The following KRT10 variants were observed in gnomAD, a reference collection of about 807,000 sequenced individuals.
KRT10 encodes the protein keratin 10.
In KRT10, 40 loss-of-function variants were observed where a neutral mutation model predicts 59.2. The ratio of observed to expected loss-of-function variants is 0.68; its 90% confidence interval spans 0.52 to 0.88. KRT10 has a LOEUF of 0.88. Ranked by LOEUF, KRT10 falls within the 40% of genes least tolerant of loss-of-function variation. The probability of loss-of-function intolerance (pLI) is 0.00; values close to 1 mark genes in which losing one functional copy is unlikely to be tolerated. For missense variants in KRT10, 719 were observed against 749.1 expected (o/e 0.96, Z 0.47); for synonymous variants, 336 against 310.7 (o/e 1.08, Z -0.86).
rs770303156 is a variant in KRT10 at position 40,822,470 on chromosome 17, C to T, written c.116G>A (p.Ser39Asn). 1 of 1,613,972 alleles carries T rather than the reference C, an allele frequency of 6.2e-7. No homozygotes were observed. The highest frequency in any genetic ancestry group is 1.7e-5 in the Admixed American group (1 of 60,002). ...AAATCCTCCACCAAGGGAGCCTTTGCTGCTAGAAATTCTTAGGGATGACAC... is the reference window on the plus strand; with the variant it reads ...AAATCCTCCACCAAGGGAGCCTTTGTTGCTAGAAATTCTTAGGGATGACAC... The part of the protein sequence containing the change: ...GGVSSLRISS[S>N]KGSLGGGFSS... Residue 39 changes from serine (S) to asparagine (N), a missense_variant, in exon 1 of 8, where the codon AGC (serine) becomes AAC (asparagine). This residue lies in a region of KRT10 where 176 missense variants were observed against 175.7 expected (regional missense o/e 1.00). Transcript: ENST00000269576.
rs775054659 is a variant in KRT10 at position 40,818,861 on chromosome 17, G to A, written c.1674C>T (p.Gly558=). The change falls in exon 7 of 8, where the codon GGC becomes GGT. Residue 558 remains glycine, a synonymous_variant. Transcript: ENST00000269576. ...TGTGGCCTCCGCTGGAGCTGCCGCCGCCGTATCCGCCGCCGGAGCTGCTGC... is the reference window on the plus strand; with the variant it reads ...TGTGGCCTCCGCTGGAGCTGCCGCCACCGTATCCGCCGCCGGAGCTGCTGC... ...GGGSSSGGGY[G]GGSSSGGHKS... is the part of the protein sequence containing the mutation. 2 of 1,552,858 alleles carry A rather than the reference G, an allele frequency of 1.3e-6. No homozygotes were observed. Among genetic ancestry groups the A allele is most frequent in the East Asian group, 2.4e-5 (1 of 41,058 alleles).
Position 40,819,625 on chromosome 17 carries a change from C to A in KRT10, c.1265G>T (p.Arg422Leu). Reference protein sequence around the residue: ...SALEEQLQQIRAETECQNTEY... With the variant: ...SALEEQLQQILAETECQNTEY... ...AGTATTCTGGCACTCGGTTTCAGCT[C>A]GAATCTGTTGCAACTGTTCTTCCAG... Residue 422 changes from arginine to leucine, a missense_variant, in exon 6 of 8, where the codon CGA becomes CTA. Coordinates refer to ENST00000269576, the MANE Select transcript of KRT10 (RefSeq NM_000421.5). 1 of 1,614,158 alleles carries A rather than the reference C, an allele frequency of 6.2e-7. No homozygotes were observed. The highest frequency in any genetic ancestry group is 8.5e-7 in the Non-Finnish European group (1 of 1,180,002).
In KRT10 at chr17:40,819,703, G is replaced by A; in HGVS notation, c.1187C>T (p.Thr396Ile). The change falls in exon 6 of 8, where the codon ACA (threonine) becomes ATA (isoleucine). Residue 396 changes from threonine to isoleucine, a missense_variant. Coordinates refer to ENST00000269576, the MANE Select transcript of KRT10 (RefSeq NM_000421.5). Reference sequence around the variant, plus strand: ...GAGCTGCACACAGTAGCGACCTTCTGTTTCTGCCAAGGAGGCTTCCAGGGA... The same window carrying A: ...GAGCTGCACACAGTAGCGACCTTCTATTTCTGCCAAGGAGGCTTCCAGGGA... ...KQSLEASLAE[T>I]EGRYCVQLSQ... The A allele has an allele frequency of 6.2e-7, 1 of 1,614,172 alleles. No homozygotes were observed. Among genetic ancestry groups the A allele is most frequent in the Non-Finnish European group, 8.5e-7 (1 of 1,180,018 alleles).
rs1378706414 is a variant in KRT10 at position 40,818,977 on chromosome 17, C to A, written c.1558G>T (p.Gly520Cys). ...GGGYGGGSSS[G>C]GHGGSSSGGY... is the part of the protein sequence containing the mutation. ...CCGCTGGAACTGCCGCCGTGGCCGC[C>A]GCTGGAGCTTCCGCCCCCGTAGCCG... is the stretch of plus-strand genomic sequence containing the variant. Residue 520 changes from glycine (G) to cysteine (C), a missense_variant, in exon 7 of 8, where the codon GGC becomes TGC. Transcript: ENST00000269576. The A allele has an allele frequency of 2.2e-6, 3 of 1,389,920 alleles. No individual in the cohort carries two copies. Among genetic ancestry groups the A allele is most frequent in the East Asian group, 6.5e-5 (2 of 30,688 alleles). 86.1% of individuals were successfully genotyped at this position (1,389,920 alleles called of 1,614,324 possible).
chr17:40,818,980 T>C lies in KRT10; in HGVS notation c.1555A>G (p.Ser519Gly), dbSNP rs199819272. 48 of 1,328,450 alleles carry C rather than the reference T, an allele frequency of 3.6e-5. No individual in the cohort carries two copies. Among genetic ancestry groups the C allele is most frequent in the East Asian group, 3.4e-4 (9 of 26,382 alleles). 82.3% of individuals were successfully genotyped at this position (1,328,450 alleles called of 1,614,324 possible). The change falls in exon 7 of 8, where the codon AGC (serine) becomes GGC (glycine). Residue 519 changes from serine to glycine, a missense_variant. By Grantham distance (56) the Ser-to-Gly change is moderately conservative (BLOSUM62 0). Around this residue, in one of 4 missense-constraint regions of KRT10, gnomAD observed 315 missense variants for 270.6 expected, o/e 1.16. Coordinates refer to ENST00000269576, the MANE Select transcript of KRT10 (RefSeq NM_000421.5). ...SGGGYGGGSS[S>G]GGHGGSSSGG... ...CTGGAACTGCCGCCGTGGCCGCCGC[T>C]GGAGCTTCCGCCCCCGTAGCCGCCG...
Position 40,818,983 on chromosome 17 carries a change from A to AGCTTCCGCCGCCGTGGCCGCCGCTGGG in KRT10, c.1551_1552insCCCAGCGGCGGCCACGGCGGCGGAAGC (p.Ser517_Ser518insProSerGlyGlyHisGlyGlyGlySer). 1 of 1,349,768 alleles carries AGCTTCCGCCGCCGTGGCCGCCGCTGGG rather than the reference A, an allele frequency of 7.4e-7. No individual in the cohort carries two copies. The highest frequency in any genetic ancestry group is 1.6e-5 in the South Asian group (1 of 62,302). The allele number at this position is 1,349,768 out of a possible 1,614,324, so 83.6% of individuals were successfully genotyped here. On this transcript the variant is annotated inframe_insertion, in exon 7 of 8. Coordinates refer to ENST00000269576, the MANE Select transcript of KRT10 (RefSeq NM_000421.5). ...GAACTGCCGCCGTGGCCGCCGCTGG[A>AGCTTCCGCCGCCGTGGCCGCCGCTGGG]GCTTCCGCCCCCGTAGCCGCCGCCG...
At chr17:40,820,910 C>A in intron 2 of KRT10, 125 bp downstream of exon 2, 1 of 931,240 alleles carries the variant, frequency 1.1e-6, no homozygotes, top group East Asian at 2.6e-5. Context: ...TCAGATAACT[C>A]CAATACTATT....
chr17:40,821,046 G>T lies in KRT10; in HGVS notation c.699C>A (p.Asp233Glu). 1 of 1,612,636 alleles carries T rather than the reference G, an allele frequency of 6.2e-7. No individual in the cohort carries two copies. The highest frequency in any genetic ancestry group is 8.5e-7 in the Non-Finnish European group (1 of 1,178,582). The change falls in exon 2 of 8, where the codon GAC becomes GAA. Residue 233 changes from aspartate to glutamate, a missense_variant. Coordinates refer to ENST00000269576, the MANE Select transcript of KRT10 (RefSeq NM_000421.5). ...ATCACTTAACTTACTTCAGCCTGAA[G>T]TCATCAGCTGCCAGCCTGGCATTGT... ...QIDNARLAAD[D>E]FRLKYENEVA...
At position 40,822,573 on chromosome 17, in the gene KRT10, A is replaced by G. The variant is rs1567713168; in HGVS notation, c.13T>C (p.Tyr5His). 1.2e-6 allele frequency: 2 copies of G among 1,601,678 alleles called. No homozygotes were observed. The highest frequency in any genetic ancestry group is 1.7e-6 in the Non-Finnish European group (2 of 1,179,956). MSVR[Y>H]SSSKHYSSSR... The stretch of plus-strand genomic sequence containing the variant: ...GAAGAGTAGTGCTTGCTTGAGCTGT[A>G]TCGAACAGACATGGTGATGCTGTTT... The change falls in exon 1 of 8, where the codon TAC (tyrosine) becomes CAC (histidine). Residue 5 changes from tyrosine to histidine, a missense_variant. Tyr to His is a moderately conservative substitution (Grantham distance 83). Coordinates refer to ENST00000269576, the MANE Select transcript of KRT10 (RefSeq NM_000421.5).
chr17:40,821,813 T>A, intron 1 of KRT10, 146 bp downstream of exon 1: 1 of 836,216 alleles, frequency 1.2e-6, no homozygotes, highest in East Asian at 2.6e-5. Flanking sequence ...CACAGATGTT[T>A]ATCTTTGATG....
In KRT10 at chr17:40,818,356, C is replaced by T. The variant is rs1905143220; in HGVS notation, c.*120G>A. ...AAATAATGGTCTGTGTGAAGGGAGACTCTTTCCTCTTGATGCAGTTTAATA... is the reference window on the plus strand; with the variant it reads ...AAATAATGGTCTGTGTGAAGGGAGATTCTTTCCTCTTGATGCAGTTTAATA... On this transcript the variant is annotated 3_prime_UTR_variant, in exon 8 of 8. Coordinates refer to ENST00000269576, the MANE Select transcript of KRT10 (RefSeq NM_000421.5). The T allele has an allele frequency of 2.2e-6, 3 of 1,365,954 alleles. No individual in the cohort carries two copies. Among genetic ancestry groups the T allele is most frequent in the African/African-American group, 1.4e-5 (1 of 69,384 alleles). 84.6% of individuals were successfully genotyped at this position (1,365,954 alleles called of 1,614,324 possible). A position where few individuals can be genotyped will look rare whatever the true frequency, so the allele number is the denominator to read the frequency against.
Position 40,819,697 on chromosome 17 carries a change from C to G in KRT10, c.1193G>C (p.Gly398Ala). 1.9e-6 allele frequency: 3 copies of G among 1,614,188 alleles called. No individual in the cohort carries two copies. The highest frequency in any genetic ancestry group is 2.5e-6 in the Non-Finnish European group (3 of 1,180,038). The part of the protein sequence containing the change: ...SLEASLAETE[G>A]RYCVQLSQIQ... ...CTGTGAGAGCTGCACACAGTAGCGA[C>G]CTTCTGTTTCTGCCAAGGAGGCTTC... The change falls in exon 6 of 8, where the codon GGT becomes GCT. Residue 398 changes from glycine (G) to alanine (A), a missense_variant. Gly to Ala is a moderately conservative substitution (Grantham distance 60). Transcript: ENST00000269576.
At chr17:40,818,641 G>T in intron 7 of KRT10, 146 bp downstream of exon 7, 1 of 1,381,036 alleles carries the variant, frequency 7.2e-7, no homozygotes. Flanking sequence ...TTCACGGCTG[G>T]TGTTAAGAGT....
At chr17:40,821,682 G>T (rs185895026) in intron 1 of KRT10, among the ~76,000 whole-genome samples, 1 of 151,742 alleles carries the variant, frequency 6.6e-6, no homozygotes, top group Admixed American at 6.6e-5. Flanking sequence ...AAATAGCCTA[G>T]CATATTTTAA....
chr17:40,818,553 T>C, intron 7 of KRT10, 71 bp from the exon 8 acceptor site: 1 of 1,293,374 alleles, frequency 7.7e-7, no homozygotes, highest in South Asian at 1.2e-5. Flanking sequence ...GCAAATATTG[T>C]AAAAAGAAGG....
intron 6 of KRT10, 94 bp from the exon 7 acceptor site, chr17:40,819,255 T>C: frequency 6.3e-7 from 1 of 1,575,010 alleles, no homozygotes; most frequent in Non-Finnish European, 8.5e-7. Context: ...AAGCAAAACG[T>C]GTTGAAAAAA....
intron 1 of KRT10, among the ~76,000 whole-genome samples, chr17:40,821,587 G>T (rs1033976125): frequency 6.6e-6 from 1 of 152,078 alleles, no homozygotes; most frequent in African/African-American, 2.4e-5. Flanking sequence ...TTGCCATGTT[G>T]GTACTGAATA....
rs1905182237 is a variant in KRT10, at chr17:40,818,896, A to AGCC, written c.1638_1639insGGC (p.Ser546_Ser547insGly). The AGCC allele has an allele frequency of 7.0e-7, 1 of 1,420,708 alleles. No individual in the cohort carries two copies. Among genetic ancestry groups the AGCC allele is most frequent in the African/African-American group, 1.7e-5 (1 of 59,912 alleles). The allele number at this position is 1,420,708 out of a possible 1,614,324, so 88.0% of individuals were successfully genotyped here. ...CCGCCGGAGCTGCTGCCGCCGCCGG[A>AGCC]GCTGCCGCCCCCGTAGCCGCCGCCG... On this transcript the variant is annotated inframe_insertion, in exon 7 of 8. Coordinates refer to ENST00000269576, the MANE Select transcript of KRT10 (RefSeq NM_000421.5).
chr17:40,820,759 T>G, intron 2 of KRT10, 92 bp from the exon 3 acceptor site: 2 of 1,342,304 alleles, frequency 1.5e-6, no homozygotes, highest in Non-Finnish European at 2.1e-6. Flanking sequence ...ACATAGTTGA[T>G]CTCATGTAAT....
Sources: gnomAD v4.1 joint callset for allele counts (sites outside exome capture counted in the v4.1 genomes callset) on GRCh38, gnomAD v4.1.1 for gene constraint, gnomAD v4.1.1 regional missense constraint, MANE v1.5 for transcripts, NCBI Gene and HGNC (gene_info 2026-07-23, HGNC 2026-07-21) for gene names.